CCSER1: variants seen among roughly 807,000 people sequenced by gnomAD.
CCSER1 encodes the protein serine-rich coiled-coil domain-containing protein 1.
Under a neutral mutation model 82.0 loss-of-function variants are expected in CCSER1, and 41 were observed. That is an observed-to-expected ratio of 0.50 (90% CI 0.39 to 0.65). The LOEUF (loss-of-function observed/expected upper bound fraction) is 0.65. Ranked by LOEUF, CCSER1 falls within the 30% of genes least tolerant of loss-of-function variation. The probability of loss-of-function intolerance (pLI) is 0.00; values close to 1 mark genes in which losing one functional copy is unlikely to be tolerated. For synonymous variants in CCSER1, 414 were observed against 383.9 expected (o/e 1.08, Z -0.92); for missense variants, 1,119 against 1,064.2 (o/e 1.05, Z -0.72).
At chr4:90,537,904 G>C (rs1393004809) in intron 5 of CCSER1, among the ~76,000 whole-genome samples, 1 of 152,044 alleles carries the variant, frequency 6.6e-6, no homozygotes, top group Non-Finnish European at 1.5e-5. Context: ...TTATCATCCA[G>C]TAGCCTGTAC....
At position 91,312,600 on chromosome 4, in the gene CCSER1, G is replaced by A. The variant is rs148821302; in HGVS notation, c.2217+226606G>A. ...TGCCCTCAAGAAAAAAAGGCATAAA[G>A]CACGCAATACAGACTGGTGGACTTT... On this transcript the variant is annotated intron_variant, in intron 10 of 10. Transcript: ENST00000509176. Among the ~76,000 whole-genome samples the A allele has an allele frequency of 1.3e-4, 20 of 151,820 alleles. 1 individual carries two copies.
At chr4:91,234,093 G>T (rs1411745035) in intron 10 of CCSER1, among the ~76,000 whole-genome samples, 3 of 152,038 alleles carry the variant, frequency 2.0e-5, no homozygotes, top group Admixed American at 2.0e-4. Flanking sequence ...GAAGATAATA[G>T]AATGAAAATC....
At chr4:91,222,777 G>A (rs1374184411) in intron 10 of CCSER1, among the ~76,000 whole-genome samples, 2 of 152,120 alleles carry the variant, frequency 1.3e-5, no homozygotes, top group Non-Finnish European at 2.9e-5. Context: ...AGACATCAGT[G>A]ACTATTGGGC....
At chr4:90,193,851 AAGGAAG>A (rs1736104750) in intron 1 of CCSER1, among the ~76,000 whole-genome samples, 1 of 152,068 alleles carries the variant, frequency 6.6e-6, no homozygotes. Flanking sequence ...TGCCTAGAAC[AAGGAAG>A]CTAAAGGTAA....
At chr4:90,320,714 A>G (rs1320766279) in intron 3 of CCSER1, among the ~76,000 whole-genome samples, 1 of 152,130 alleles carries the variant, frequency 6.6e-6, no homozygotes, top group African/African-American at 2.4e-5. Flanking sequence ...TAGAAGCAGG[A>G]TTGAATAAAA....
chr4:90,776,881 C>A (rs1315784074), intron 7 of CCSER1, among the ~76,000 whole-genome samples: 7 of 152,164 alleles, frequency 4.6e-5, no homozygotes, highest in African/African-American at 1.7e-4. Flanking sequence ...TGTTTCCTAT[C>A]TCACCATCCC....
chr4:90,343,516 C>T (rs1741794016), intron 3 of CCSER1, among the ~76,000 whole-genome samples: 1 of 152,132 alleles, frequency 6.6e-6, no homozygotes, highest in African/African-American at 2.4e-5. Context: ...CCTCAGGAGG[C>T]TGAGGCAGGA....
intron 1 of CCSER1, among the ~76,000 whole-genome samples, chr4:90,134,158 G>A (rs548124579): frequency 6.6e-6 from 1 of 152,280 alleles, no homozygotes; most frequent in South Asian, 2.1e-4. Context: ...TATTAGAGAT[G>A]AGGAAACCGA....
At chr4:91,431,278 T>C (rs1296562312) in intron 10 of CCSER1, among the ~76,000 whole-genome samples, 1 of 152,062 alleles carries the variant, frequency 6.6e-6, no homozygotes, top group East Asian at 1.9e-4. Context: ...ACATAAAAAA[T>C]TGGCTAGCTA....
At chr4:91,183,861 C>T (rs1247606847) in intron 10 of CCSER1, among the ~76,000 whole-genome samples, 1 of 152,176 alleles carries the variant, frequency 6.6e-6, no homozygotes, top group Non-Finnish European at 1.5e-5. Context: ...AGGATTTCCT[C>T]TAAGGATAGA....
chr4:90,769,540 A>G (rs1751765638), intron 7 of CCSER1, among the ~76,000 whole-genome samples: 1 of 152,198 alleles, frequency 6.6e-6, no homozygotes, highest in Non-Finnish European at 1.5e-5. Flanking sequence ...GAATTGTTAT[A>G]GGCCAGTGGC....
At chr4:91,571,946 A>G (rs917009217) in intron 10 of CCSER1, among the ~76,000 whole-genome samples, 5 of 152,086 alleles carry the variant, frequency 3.3e-5, no homozygotes, top group Non-Finnish European at 7.4e-5. Flanking sequence ...ATAGATAGAC[A>G]TTTAGGATCA....
At chr4:90,497,174 C>T (rs1220045803) in intron 5 of CCSER1, among the ~76,000 whole-genome samples, 4 of 152,044 alleles carry the variant, frequency 2.6e-5, no homozygotes, top group Non-Finnish European at 5.9e-5. Flanking sequence ...CAGTACTAGT[C>T]ATCCACATTT....
intron 10 of CCSER1, among the ~76,000 whole-genome samples, chr4:91,175,010 C>G (rs1054507634): frequency 6.6e-6 from 1 of 152,046 alleles, no homozygotes; most frequent in Non-Finnish European, 1.5e-5. Context: ...GTGTGATGTT[C>G]CCCATCCTGT....
intron 1 of CCSER1, among the ~76,000 whole-genome samples, chr4:90,145,067 G>C (rs1050497140): frequency 6.6e-6 from 1 of 152,058 alleles, no homozygotes; most frequent in African/African-American, 2.4e-5. Context: ...AAACTTCCAG[G>C]TATCAAGTAT....
chr4:90,644,595 T>C (rs1357127031), intron 6 of CCSER1, among the ~76,000 whole-genome samples: 1 of 152,044 alleles, frequency 6.6e-6, no homozygotes, highest in East Asian at 1.9e-4. Context: ...TCCACGTGCA[T>C]TGGCTATTTA....
chr4:90,740,147 AT>A (rs1746307207), intron 7 of CCSER1, among the ~76,000 whole-genome samples: 2 of 152,194 alleles, frequency 1.3e-5, no homozygotes, highest in African/African-American at 2.4e-5. Context: ...TCAAAGAATT[AT>A]GTTTTTTAAA....
intron 5 of CCSER1, among the ~76,000 whole-genome samples, chr4:90,597,755 G>T (rs769629582): frequency 6.6e-6 from 1 of 151,870 alleles, no homozygotes; most frequent in African/African-American, 2.4e-5. Context: ...TAGATATCTA[G>T]GCTTGTTAAT....
chr4:90,352,224 T>C (rs1323327766), intron 3 of CCSER1, among the ~76,000 whole-genome samples: 1 of 151,992 alleles, frequency 6.6e-6, no homozygotes, highest in East Asian at 1.9e-4. Context: ...CTCGGGAGGC[T>C]GAGGCAGGAG....
Sources: gnomAD v4.1 joint callset for allele counts (sites outside exome capture counted in the v4.1 genomes callset) on GRCh38, gnomAD v4.1.1 for gene constraint, MANE v1.5 for transcripts, NCBI Gene and HGNC (gene_info 2026-07-23, HGNC 2026-07-21) for gene names.